The following GTPBP6 variants were observed in gnomAD, a reference collection of about 807,000 sequenced individuals.
GTPBP6 encodes the protein putative GTP-binding protein 6.
Under a neutral mutation model 28.9 loss-of-function variants are expected in GTPBP6, and 33 were observed. That is an observed-to-expected ratio of 1.14 (90% CI 0.87 to 1.53). The LOEUF is 1.53. Ranked by LOEUF, GTPBP6 falls within the 40% of genes most tolerant of loss-of-function variation. The probability of loss-of-function intolerance (pLI) is 0.00; values close to 1 mark genes in which losing one functional copy is unlikely to be tolerated. For missense variants in GTPBP6, 507 were observed against 408.3 expected, an observed-to-expected ratio of 1.24 and a Z score of -2.08; for synonymous variants, 231 against 192.7, an observed-to-expected ratio of 1.20 and a Z score of -1.65.
intron 1 of GTPBP6, among the ~76,000 whole-genome samples, chrX:317,685 C>T (rs1229111461): frequency 1.5e-5 from 1 of 65,202 alleles, no homozygotes; most frequent in Non-Finnish European, 3.0e-5. Context: ...AGAACCGCCC[C>T]GGCCCACCCA....
chrX:307,475 C>A, exon 9 of GTPBP6: 1 of 1,610,978 alleles, frequency 6.2e-7, no homozygotes. Context: ...CCCCGCAGGG[C>A]AGACACGGGC....
Position 315,553 on chromosome X carries a change from GACACACACACACACAC to G in GTPBP6, c.488-270_488-255del, listed in dbSNP as rs1215331200. ...AGGGACACAAACACATACACACGCAGACACACACACACACACACACACACACACACACAGTAAATAC... is the reference window on the plus strand; with the variant it reads ...AGGGACACAAACACATACACACGCAGACACACACACACACACAGTAAATAC... On this transcript the variant is annotated intron_variant, in intron 2 of 9. Transcript: ENST00000326153. Among the ~76,000 whole-genome samples the G allele has an allele frequency of 4.8e-3, 534 of 110,454 alleles. 1 individual carries two copies. The highest frequency in any genetic ancestry group is 0.015 in the African/African-American group (476 of 31,554). 72.5% of individuals were successfully genotyped at this position (110,454 alleles called of 152,430 possible).
intron 2 of GTPBP6, among the ~76,000 whole-genome samples, chrX:316,164 A>T: frequency 1.9e-5 from 1 of 52,804 alleles, no homozygotes; most frequent in African/African-American, 6.8e-5. Flanking sequence ...ACATCCCGAC[A>T]GGGACAGACA....
At chrX:313,696 G>T (rs9646387) in intron 5 of GTPBP6, among the ~76,000 whole-genome samples, 2 of 151,704 alleles carry the variant, frequency 1.3e-5, no homozygotes, top group Admixed American at 6.6e-5. Flanking sequence ...CACAGAGGAG[G>T]AGGCCACGTG....
At chrX:307,471 A>T (rs767903804) in exon 9 of GTPBP6, 3 of 1,607,650 alleles carry the variant, frequency 1.9e-6, no homozygotes, top group East Asian at 4.5e-5. Context: ...GTGGCCCCGC[A>T]GGGCAGACAC....
rs777089177 is a variant in GTPBP6 at position 311,520 on chromosome X, G to A, written c.1024C>T (p.Arg342Cys). Residue 342 changes from arginine to cysteine, a missense_variant, in exon 7 of 10, where the codon CGC becomes TGC. Physicochemically the swap from Arg to Cys is radical, Grantham distance 180. Coordinates refer to ENST00000326153, the Ensembl canonical transcript of GTPBP6. ...GTGTCCACGTACAGGACGGTCATGC[G>A]TGAGGGCAGCGTGCCCGCGTGGGCC... is the stretch of plus-strand genomic sequence containing the variant. The A allele has an allele frequency of 1.9e-5, 30 of 1,612,268 alleles. No homozygotes were observed. In the South Asian group the frequency reaches 2.7e-4, roughly 15 times the overall value.
rs758485657 is a variant in GTPBP6, at chrX:306,992, T to C, written c.1427+368A>G. Among the ~76,000 whole-genome samples the C allele has an allele frequency of 8.5e-4, 129 of 151,134 alleles. 2 individuals are homozygous for C. The South Asian group carries it at 0.024, about 28-fold the overall frequency. Reference sequence around the variant, plus strand: ...CACCTGTTGTATGCAGTCAGAAATGTACATTTTGACTGTCAAGCACAGATT... The same window carrying C: ...CACCTGTTGTATGCAGTCAGAAATGCACATTTTGACTGTCAAGCACAGATT... On this transcript the variant is annotated intron_variant, in intron 9 of 9. Coordinates refer to ENST00000326153, the Ensembl canonical transcript of GTPBP6.
intron 9 of GTPBP6, among the ~76,000 whole-genome samples, chrX:306,339 G>C (rs2070163941): frequency 6.6e-6 from 1 of 150,812 alleles, no homozygotes; most frequent in Non-Finnish European, 1.5e-5. Flanking sequence ...TGCAGATTAG[G>C]CACCTGTTGT....
intron 9 of GTPBP6, among the ~76,000 whole-genome samples, chrX:305,913 C>T (rs1454981658): frequency 6.6e-6 from 1 of 152,044 alleles, no homozygotes; most frequent in Non-Finnish European, 1.5e-5. Context: ...TGTGAGCCAC[C>T]CCACCTGGGG....
intron 7 of GTPBP6, among the ~76,000 whole-genome samples, chrX:308,870 G>C (rs28454735): frequency 0.036 from 5,407 of 151,678 alleles, 255 homozygotes; most frequent in African/African-American, 0.11. Flanking sequence ...TGAGTAGCTG[G>C]GACTACAGGC....
chrX:310,334 A>G (rs1308317027), intron 7 of GTPBP6, among the ~76,000 whole-genome samples: 42 of 132,914 alleles, frequency 3.2e-4, no homozygotes, highest in East Asian at 7.0e-4. Flanking sequence ...GACTGGAGTG[A>G]TGCGGCCACA....
chrX:307,685 C>T (rs2124447681), intron 8 of GTPBP6, 47 bp downstream of exon 8: 17 of 1,452,316 alleles, frequency 1.2e-5, no homozygotes, highest in East Asian at 5.0e-5. Context: ...CCGGCTCCAG[C>T]GCGTGCAGGG....
intron 6 of GTPBP6, chrX:311,829 G>T: frequency 1.6e-6 from 1 of 613,750 alleles, no homozygotes; most frequent in Non-Finnish European, 2.9e-6. Flanking sequence ...GGCCGATGGA[G>T]CGGGGCCGCC....
rs1399085101 is a variant in GTPBP6 at position 311,355 on chromosome X, G to A, written c.1125+64C>T. The A allele has an allele frequency of 4.1e-6, 5 of 1,233,086 alleles. No individual in the cohort carries two copies. The African/African-American group carries it at 4.9e-5, about 12-fold the overall frequency. The allele number at this position is 1,233,086 out of a possible 1,614,324, so 76.4% of individuals were successfully genotyped here. On this transcript the variant is annotated intron_variant, in intron 7 of 9. Transcript: ENST00000326153. ...GCCCGACCCCTGGCTGTGTGTGTCT[G>A]AGTGCCCAGCCCCCGTGCCGAATGG...
At position 317,085 on chromosome X, in the gene GTPBP6, T is replaced by C. The variant is rs1462480524; in HGVS notation, c.350-34A>G. 94 of 389,354 alleles carry C rather than the reference T, an allele frequency of 2.4e-4. 1 individual carries two copies. The highest frequency in any genetic ancestry group is 3.7e-4 in the Non-Finnish European group (83 of 224,980). 24.1% of individuals were successfully genotyped at this position (389,354 alleles called of 1,614,324 possible). A position where few individuals can be genotyped will look rare whatever the true frequency, so the allele number is the denominator to read the frequency against. Reference sequence around the variant, plus strand: ...ACACAAGGGCCACCGTGAGAGACGCTTCTGCCCGGGGCCCCCGTCCACACC... The same window carrying C: ...ACACAAGGGCCACCGTGAGAGACGCCTCTGCCCGGGGCCCCCGTCCACACC... On this transcript the variant is annotated intron_variant, in intron 1 of 9. Coordinates refer to ENST00000326153, the Ensembl canonical transcript of GTPBP6.
chrX:316,808 C>G (rs1405170406), intron 2 of GTPBP6, 106 bp downstream of exon 2: 1 of 398,864 alleles, frequency 2.5e-6, no homozygotes, highest in African/African-American at 2.1e-5. Flanking sequence ...CGCTTCCCCT[C>G]TGGCCCCGCA....
chrX:307,484 G>C (rs757364188), exon 9 of GTPBP6: 1 of 1,609,518 alleles, frequency 6.2e-7, no homozygotes, highest in Non-Finnish European at 8.5e-7. Flanking sequence ...GCAGACACGG[G>C]CACGACGTTC....
intron 1 of GTPBP6, 118 bp downstream of exon 1, chrX:318,321 T>G: frequency 4.0e-5 from 15 of 378,732 alleles, no homozygotes; most frequent in Admixed American, 4.6e-5. Flanking sequence ...TCTCCACCTA[T>G]GAGATCGTCC....
Position 312,977 on chromosome X carries a change from G to A in GTPBP6, c.758-53C>T, listed in dbSNP as rs1346911695. On this transcript the variant is annotated intron_variant, in intron 5 of 9. Transcript: ENST00000326153. The stretch of plus-strand genomic sequence containing the variant: ...GTGAGCCACGCCGGGAAAGGCACAA[G>A]TGCGGGCGGTGCCGCGGAGGGTCTG... 3.3e-6 allele frequency: 5 copies of A among 1,527,680 alleles called. No individual in the cohort carries two copies. The African/African-American group carries it at 4.1e-5, about 13-fold the overall frequency. 94.6% of individuals were successfully genotyped at this position (1,527,680 alleles called of 1,614,324 possible).
Sources: allele counts gnomAD v4.1 joint callset (sites outside exome capture counted in the v4.1 genomes callset), GRCh38; gene constraint gnomAD v4.1.1; transcripts MANE v1.5; gene names NCBI Gene and HGNC (gene_info 2026-07-23, HGNC 2026-07-21).